RELL1: variants seen among roughly 807,000 people sequenced by gnomAD.
RELL1 encodes the protein RELT-like protein 1.
In RELL1, 10 loss-of-function variants were observed where a neutral mutation model predicts 23.0. That is an observed-to-expected ratio of 0.43 (90% CI 0.27 to 0.74). The LOEUF is 0.74. RELL1 is among the 30% of genes least tolerant of loss of function. The pLI is 0.19. For synonymous variants in RELL1, 146 were observed against 146.8 expected, an observed-to-expected ratio of 0.99 and a Z score of 0.04; for missense variants, 315 against 364.4, an observed-to-expected ratio of 0.86 and a Z score of 1.10.
chr4:37,593,147 T>C (rs1718697246), intron 6 of RELL1, among the ~76,000 whole-genome samples: 1 of 152,240 alleles, frequency 6.6e-6, no homozygotes, highest in South Asian at 2.1e-4. Flanking sequence ...TTGTATTTAG[T>C]ACACCAAATA....
chr4:37,621,054 C>CTAA (rs1294460316), intron 6 of RELL1, among the ~76,000 whole-genome samples: 2 of 152,218 alleles, frequency 1.3e-5, no homozygotes, highest in African/African-American at 4.8e-5. Context: ...TCCAGAACCT[C>CTAA]TATGGTGGAA....
intron 1 of RELL1, among the ~76,000 whole-genome samples, chr4:37,685,931 T>A (rs6531573): frequency 0.98 from 148,953 of 152,268 alleles, 72,920 homozygotes; most frequent in East Asian, 1. Context: ...CGCCCCGCAC[T>A]GCCCAGCGCT....
chr4:37,673,578 A>G (rs1200575656), intron 1 of RELL1, among the ~76,000 whole-genome samples: 1 of 152,150 alleles, frequency 6.6e-6, no homozygotes, highest in Non-Finnish European at 1.5e-5. Flanking sequence ...TGCATATCAT[A>G]TGGATTGCAT....
intron 3 of RELL1, among the ~76,000 whole-genome samples, chr4:37,641,833 C>T (rs899938369): frequency 6.6e-6 from 1 of 152,192 alleles, no homozygotes; most frequent in Non-Finnish European, 1.5e-5. Context: ...ATGTAAGCGC[C>T]GGCACGTGCC....
In RELL1 at chr4:37,635,454, C is replaced by T. The variant is rs568621597; in HGVS notation, c.444-331G>A. Among the ~76,000 whole-genome samples, 4 of 152,054 alleles carry T rather than the reference C, an allele frequency of 2.6e-5. No homozygotes were observed. The South Asian group carries it at 6.2e-4, about 24-fold the overall frequency. On this transcript the variant is annotated intron_variant, in intron 4 of 6. Transcript: ENST00000454158. ...CAGCCTGAGCAACATAGAGAGACCTCGTCTCTGAAAAAAAATGAAAAAATT... is the reference window on the plus strand; with the variant it reads ...CAGCCTGAGCAACATAGAGAGACCTTGTCTCTGAAAAAAAATGAAAAAATT...
intron 3 of RELL1, among the ~76,000 whole-genome samples, chr4:37,644,436 A>ATTTT (rs748545603): frequency 1.6e-4 from 16 of 97,672 alleles, no homozygotes; most frequent in African/African-American, 3.4e-4. Context: ...TTTTATTTTT[A>ATTTT]TTTTTATTTA....
rs762422698 is a variant in RELL1, at chr4:37,665,234, A to G, written c.89-15734T>C. The G allele has an allele frequency of 3.9e-5, 18 of 456,168 alleles. No individual in the cohort carries two copies. In the Middle Eastern group the frequency reaches 3.2e-3, roughly 82 times the overall value. The allele number at this position is 456,168 out of a possible 1,614,324, so 28.3% of individuals were successfully genotyped here. The stretch of plus-strand genomic sequence containing the variant: ...TTTGCCAAATGCCAACAGTTTTTAC[A>G]AACATAAATAAGTAGATTCTTTTCA... On this transcript the variant is annotated intron_variant, in intron 1 of 6. Transcript: ENST00000454158.
chr4:37,607,964 A>C (rs779596015), downstream of RELL1, among the ~76,000 whole-genome samples: 1 of 152,088 alleles, frequency 6.6e-6, no homozygotes, highest in Non-Finnish European at 1.5e-5. Flanking sequence ...AAATATTTCA[A>C]ACTTTTCAAT....
chr4:37,622,029 C>T (rs775677678), intron 6 of RELL1, among the ~76,000 whole-genome samples: 72 of 152,196 alleles, frequency 4.7e-4, no homozygotes, highest in Non-Finnish European at 8.2e-4. Flanking sequence ...GAGCCACTCC[C>T]AACAACTGAG....
At chr4:37,625,959 G>A (rs1245275612) in intron 6 of RELL1, among the ~76,000 whole-genome samples, 3 of 151,644 alleles carry the variant, frequency 2.0e-5, no homozygotes, top group African/African-American at 7.3e-5. Context: ...CTCAAAAGAA[G>A]ACCTACAAAT....
At chr4:37,677,488 C>A (rs1722057561) in intron 1 of RELL1, among the ~76,000 whole-genome samples, 1 of 152,174 alleles carries the variant, frequency 6.6e-6, no homozygotes, top group South Asian at 2.1e-4. Flanking sequence ...GCACTCAGAC[C>A]CTGGATAATC....
chr4:37,596,723 TATATATATA>T (rs1165987386), intron 6 of RELL1, among the ~76,000 whole-genome samples: 1 of 13,974 alleles, frequency 7.2e-5, no homozygotes, highest in Non-Finnish European at 2.5e-4. Flanking sequence ...TATATATATA[TATATATATA>T]TATATTTTTT....
intron 5 of RELL1, among the ~76,000 whole-genome samples, chr4:37,632,938 C>A (rs1337905754): frequency 6.6e-6 from 1 of 152,110 alleles, no homozygotes; most frequent in Non-Finnish European, 1.5e-5. Flanking sequence ...AGATCACCAA[C>A]CCTGAAGAGA....
chr4:37,625,988 A>G (rs765809811), intron 6 of RELL1, among the ~76,000 whole-genome samples: 3 of 152,156 alleles, frequency 2.0e-5, no homozygotes, highest in African/African-American at 7.2e-5. Flanking sequence ...AATATATGAA[A>G]AAAAGGCTCA....
At chr4:37,668,744 C>T (rs1346772601) in intron 1 of RELL1, among the ~76,000 whole-genome samples, 8 of 147,826 alleles carry the variant, frequency 5.4e-5, no homozygotes, top group Non-Finnish European at 7.4e-5. Flanking sequence ...CATCTCTGCC[C>T]GGCCGCCATC....
At chr4:37,647,296 T>C in intron 3 of RELL1, 72 bp downstream of exon 3, 1 of 1,012,950 alleles carries the variant, frequency 9.9e-7, no homozygotes, top group Non-Finnish European at 1.6e-6. Flanking sequence ...ATATAAATCT[T>C]GACTCTTCGA....
chr4:37,642,692 T>G (rs1375646838), intron 3 of RELL1, among the ~76,000 whole-genome samples: 1 of 152,172 alleles, frequency 6.6e-6, no homozygotes, highest in Non-Finnish European at 1.5e-5. Flanking sequence ...CTAAACAGTC[T>G]CAGGGTGGGG....
chr4:37,678,089 C>G (rs982732477), intron 1 of RELL1, among the ~76,000 whole-genome samples: 1 of 152,178 alleles, frequency 6.6e-6, no homozygotes, highest in African/African-American at 2.4e-5. Flanking sequence ...TCTGGGGAGG[C>G]CTCAGAAGCT....
intron 1 of RELL1, among the ~76,000 whole-genome samples, chr4:37,679,452 CAAAT>C (rs1006980357): frequency 1.3e-5 from 2 of 152,130 alleles, no homozygotes; most frequent in African/African-American, 2.4e-5. Context: ...CTAACAGACA[CAAAT>C]AAATGAGTCA....
Sources: gnomAD v4.1 joint callset for allele counts (sites outside exome capture counted in the v4.1 genomes callset) on GRCh38, gnomAD v4.1.1 for gene constraint, MANE v1.5 for transcripts, NCBI Gene and HGNC (gene_info 2026-07-23, HGNC 2026-07-21) for gene names.